The following TRMT1L variants were observed in gnomAD, a reference collection of about 807,000 sequenced individuals.
TRMT1L encodes the protein tRNA methyltransferase 1L, also known as tRNA (guanine(27)-N(2))-dimethyltransferase.
Under a neutral mutation model 81.6 loss-of-function variants are expected in TRMT1L, and 28 were observed. That is an observed-to-expected ratio of 0.34 (90% CI 0.25 to 0.47). The LOEUF (loss-of-function observed/expected upper bound fraction) is 0.47. TRMT1L is among the 20% of genes least tolerant of loss of function. The probability of loss-of-function intolerance (pLI) is 1.00; values close to 1 mark genes in which losing one functional copy is unlikely to be tolerated. For missense variants in TRMT1L, 739 were observed against 877.1 expected (o/e 0.84, Z 1.99); for synonymous variants, 301 against 303.2 (o/e 0.99, Z 0.07).
intron 4 of TRMT1L, 96 bp downstream of exon 4, chr1:185,147,086 G>A (rs1653207238): frequency 2.6e-6 from 2 of 770,030 alleles, no homozygotes; most frequent in Non-Finnish European, 4.3e-6. Flanking sequence ...AAACCACACT[G>A]CTGAACATAC....
In TRMT1L at chr1:185,118,539, T is replaced by G. The variant is rs1415764627; in HGVS notation, c.*1480A>C. Reference sequence around the variant, plus strand: ...TCCTGGATTTATAGTAATTTTTAATTGAAAAAAACCTCATTTATTCTGCTC... The same window carrying G: ...TCCTGGATTTATAGTAATTTTTAATGGAAAAAAACCTCATTTATTCTGCTC... On this transcript the variant is annotated 3_prime_UTR_variant, in exon 15 of 15. Transcript: ENST00000367506. 6.6e-6 allele frequency: 1 copy of G among 152,148 alleles called. No homozygotes were observed. The highest frequency in any genetic ancestry group is 1.5e-5 in the Non-Finnish European group (1 of 68,010). The allele number at this position is 152,148 out of a possible 1,614,324, so 9.4% of individuals were successfully genotyped here.
intron 7 of TRMT1L, among the ~76,000 whole-genome samples, chr1:185,141,192 C>T (rs1387831817): frequency 6.6e-6 from 1 of 152,022 alleles, no homozygotes; most frequent in Non-Finnish European, 1.5e-5. Context: ...ATACACGTGT[C>T]TCATGAATGG....
rs145284891 is a variant in TRMT1L at position 185,145,480 on chromosome 1, C to A, written c.614G>T (p.Arg205Leu). ...TTTAGTCTCTCCTTTATTCATGTGGCGCCTAACATGTCCTAGCATATCAGT... is the reference window on the plus strand; with the variant it reads ...TTTAGTCTCTCCTTTATTCATGTGGAGCCTAACATGTCCTAGCATATCAGT... ...RRTDMLGHVR[R>L]HMNKGETKSS... is the part of the protein sequence containing the mutation. Residue 205 changes from arginine (R) to leucine (L), a missense_variant, in exon 5 of 15, where the codon CGC becomes CTC. Arg to Leu is a moderately radical substitution (Grantham distance 102, BLOSUM62 -2). Coordinates refer to ENST00000367506, the MANE Select transcript of TRMT1L (RefSeq NM_030934.5). 1 of 1,611,722 alleles carries A rather than the reference C, an allele frequency of 6.2e-7. No individual in the cohort carries two copies. The highest frequency in any genetic ancestry group is 1.1e-5 in the South Asian group (1 of 90,950).
intron 7 of TRMT1L, among the ~76,000 whole-genome samples, chr1:185,141,011 A>G (rs564828738): frequency 2.0e-5 from 3 of 151,744 alleles, no homozygotes; most frequent in South Asian, 2.1e-4. Context: ...CAAAAAAGCG[A>G]ATGATTAGAG....
chr1:185,151,351 ACTGT>A (rs1653340816), intron 2 of TRMT1L, among the ~76,000 whole-genome samples: 1 of 152,152 alleles, frequency 6.6e-6, no homozygotes, highest in African/African-American at 2.4e-5. Context: ...TTATTTTTAC[ACTGT>A]CTACTTCAAA....
chr1:185,132,470 T>C (rs112303380), intron 10 of TRMT1L, among the ~76,000 whole-genome samples: 15,082 of 150,250 alleles, frequency 0.1, 982 homozygotes, highest in East Asian at 0.26. Context: ...AGTGAGCTGA[T>C]ATCATGCCAC....
At chr1:185,135,911 T>A (rs1652889198) in intron 10 of TRMT1L, among the ~76,000 whole-genome samples, 1 of 152,076 alleles carries the variant, frequency 6.6e-6, no homozygotes, top group South Asian at 2.1e-4. Flanking sequence ...AAAATCCAGT[T>A]TGGTTCTATA....
rs550900291 is a variant in TRMT1L at position 185,145,371 on chromosome 1, G to T, written c.655+68C>A. ...GCATTATTTTATATTCCTGATGTCT[G>T]AAAATAATAACTGGACCATTATTTA... On this transcript the variant is annotated intron_variant, in intron 5 of 14. Transcript: ENST00000367506. The T allele has an allele frequency of 4.9e-5, 72 of 1,484,034 alleles. No homozygotes were observed. In the African/African-American group the frequency reaches 8.8e-4, roughly 18 times the overall value. 91.9% of individuals were successfully genotyped at this position (1,484,034 alleles called of 1,614,324 possible). A position where few individuals can be genotyped will look rare whatever the true frequency, so the allele number is the denominator to read the frequency against.
At chr1:185,143,848 G>T in intron 6 of TRMT1L, 58 bp downstream of exon 6, 1 of 1,445,476 alleles carries the variant, frequency 6.9e-7, no homozygotes, top group Non-Finnish European at 9.4e-7. Context: ...AAGGTTAAGA[G>T]AAGGTACACT....
At chr1:185,142,941 G>A (rs1452075712) in intron 7 of TRMT1L, among the ~76,000 whole-genome samples, 4 of 152,040 alleles carry the variant, frequency 2.6e-5, no homozygotes, top group Non-Finnish European at 2.9e-5. Context: ...TGAGATAATT[G>A]GGCAAACAAT....
intron 3 of TRMT1L, 84 bp from the exon 4 acceptor site, chr1:185,147,330 G>T: frequency 1.0e-6 from 1 of 994,818 alleles, no homozygotes. Flanking sequence ...TATTTTATAA[G>T]AATTGGTATT....
intron 7 of TRMT1L, among the ~76,000 whole-genome samples, chr1:185,141,012 A>G (rs1032593914): frequency 2.0e-5 from 3 of 151,828 alleles, no homozygotes; most frequent in Non-Finnish European, 4.4e-5. Flanking sequence ...AAAAAAGCGA[A>G]TGATTAGAGG....
At chr1:185,126,366 C>A (rs1652628896) in intron 11 of TRMT1L, among the ~76,000 whole-genome samples, 1 of 152,108 alleles carries the variant, frequency 6.6e-6, no homozygotes, top group Non-Finnish European at 1.5e-5. Flanking sequence ...GCAATCTCAG[C>A]CCACTGCATG....
chr1:185,128,750 G>T lies in TRMT1L; in HGVS notation c.1514-3C>A, dbSNP rs763279155. On this transcript the variant is annotated splice_region_variant and splice_polypyrimidine_tract_variant and intron_variant, in intron 10 of 14. Transcript: ENST00000367506. ...AGGCAGCTGTCTATATGGGTTTTCT[G>T]TAAAAAGATAATAAAAGGAGAAATC... 1.5e-5 allele frequency: 24 copies of T among 1,596,648 alleles called. No homozygotes were observed. Among genetic ancestry groups the T allele is most frequent in the Non-Finnish European group, 2.0e-5 (24 of 1,175,080 alleles).
At chr1:185,120,690 C>T in intron 13 of TRMT1L, 181 bp from the exon 14 acceptor site, 1 of 492,558 alleles carries the variant, frequency 2.0e-6, no homozygotes, top group Non-Finnish European at 3.1e-6. Flanking sequence ...TCATATTAAA[C>T]TGCTGAATCA....
intron 9 of TRMT1L, 65 bp downstream of exon 9, chr1:185,139,302 T>C: frequency 1.5e-6 from 2 of 1,348,990 alleles, no homozygotes; most frequent in African/African-American, 1.5e-5. Flanking sequence ...TAAGTACTTC[T>C]TGTAATATTA....
chr1:185,142,114 C>T (rs769516127), intron 7 of TRMT1L, among the ~76,000 whole-genome samples: 14 of 152,096 alleles, frequency 9.2e-5, no homozygotes, highest in Non-Finnish European at 1.3e-4. Flanking sequence ...AATTTCAAAT[C>T]CAAGCGACTT....
At chr1:185,122,845 T>C (rs1210178838) in intron 13 of TRMT1L, among the ~76,000 whole-genome samples, 2 of 152,000 alleles carry the variant, frequency 1.3e-5, no homozygotes, top group Non-Finnish European at 2.9e-5. Flanking sequence ...CTGACACACC[T>C]GGCTAATTTT....
At chr1:185,122,768 T>C (rs911876684) in intron 13 of TRMT1L, among the ~76,000 whole-genome samples, 1 of 148,366 alleles carries the variant, frequency 6.7e-6, no homozygotes, top group East Asian at 2.0e-4. Context: ...AACTGCAGCC[T>C]CTGCCTCCTG....
Sources: allele counts gnomAD v4.1 joint callset (sites outside exome capture counted in the v4.1 genomes callset), GRCh38; gene constraint gnomAD v4.1.1; transcripts MANE v1.5; gene names NCBI Gene and HGNC (gene_info 2026-07-23, HGNC 2026-07-21).